ZDHHC5: variants seen among roughly 807,000 people sequenced by gnomAD.
ZDHHC5 encodes the protein palmitoyltransferase ZDHHC5.
ZDHHC5 carries 22 observed loss-of-function variants against 70.0 expected under a neutral mutation model. The observed-to-expected ratio is 0.31, with a 90% CI of 0.22 to 0.45. The LOEUF (loss-of-function observed/expected upper bound fraction) is 0.45. Ranked by LOEUF, ZDHHC5 falls within the 20% of genes least tolerant of loss-of-function variation. The probability of loss-of-function intolerance (pLI) is 1.00; values close to 1 mark genes in which losing one functional copy is unlikely to be tolerated. For synonymous variants in ZDHHC5, 313 were observed against 347.8 expected (o/e 0.90, Z 1.11); for missense variants, 746 against 926.9 (o/e 0.80, Z 2.53).
At chr11:57,675,697 C>CTCTA (rs1346045190) in intron 2 of ZDHHC5, among the ~76,000 whole-genome samples, 1 of 152,204 alleles carries the variant, frequency 6.6e-6, no homozygotes, top group Non-Finnish European at 1.5e-5. Context: ...GTTTATCTTA[C>CTCTA]TCTAGCACCT....
At position 57,696,008 on chromosome 11, in the gene ZDHHC5, G is replaced by A. The variant is rs760923152; in HGVS notation, c.974G>A (p.Gly325Glu). Residue 325 changes from glycine (G) to glutamate (E), a missense_variant, in exon 9 of 12, where the codon GGG (glycine) becomes GAG (glutamate). Physicochemically the swap from Gly to Glu is moderately conservative, Grantham distance 98 (BLOSUM62 -2). Around this residue, in one of 6 missense-constraint regions of ZDHHC5, gnomAD observed 179 missense variants for 178.4 expected, o/e 1.00. Transcript: ENST00000287169. ...AAGCCAGACCTGAGCCGTTACACAG[G>A]GTTGCGAACACACCTCGGCTTGGCT... ...PPKPDLSRYT[G>E]LRTHLGLATN... is the part of the protein sequence containing the mutation. The A allele has an allele frequency of 1.9e-6, 3 of 1,613,844 alleles. No individual in the cohort carries two copies. Among genetic ancestry groups the A allele is most frequent in the Non-Finnish European group, 2.5e-6 (3 of 1,180,012 alleles).
At chr11:57,697,689 C>T (rs2135405245) in intron 10 of ZDHHC5, among the ~76,000 whole-genome samples, 1 of 151,110 alleles carries the variant, frequency 6.6e-6, no homozygotes, top group Non-Finnish European at 1.5e-5. Flanking sequence ...CATCTGTAGT[C>T]CCAGCTACTT....
At chr11:57,677,114 G>T (rs1946082126) in intron 2 of ZDHHC5, among the ~76,000 whole-genome samples, 1 of 150,950 alleles carries the variant, frequency 6.6e-6, no homozygotes, top group South Asian at 2.1e-4. Context: ...GTAGAGAAGG[G>T]GTTTCACCGT....
chr11:57,699,773 C>A, intron 11 of ZDHHC5, 93 bp from the exon 12 acceptor site: 1 of 1,484,310 alleles, frequency 6.7e-7, no homozygotes, highest in South Asian at 1.2e-5. Flanking sequence ...TAGAAAAGAA[C>A]ATCATTTTTT....
chr11:57,686,571 C>T (rs1261524800), intron 3 of ZDHHC5, among the ~76,000 whole-genome samples: 1 of 152,136 alleles, frequency 6.6e-6, no homozygotes, highest in Non-Finnish European at 1.5e-5. Flanking sequence ...CTGCCTCACC[C>T]TCCCAGAGTG....
rs1330004758 is a variant in ZDHHC5 at position 57,700,283 on chromosome 11, C to T, written c.*252C>T. The T allele has an allele frequency of 8.2e-6, 3 of 367,980 alleles. No individual in the cohort carries two copies. Among genetic ancestry groups the T allele is most frequent in the Non-Finnish European group, 1.5e-5 (3 of 206,532 alleles). The allele number at this position is 367,980 out of a possible 1,614,324, so 22.8% of individuals were successfully genotyped here. A position where few individuals can be genotyped will look rare whatever the true frequency, so the allele number is the denominator to read the frequency against. ...CCTTCCTTGATCCCTGGACCAGACTCAGTGGACATTTGTGCAATTGCTCGC... is the reference window on the plus strand; with the variant it reads ...CCTTCCTTGATCCCTGGACCAGACTTAGTGGACATTTGTGCAATTGCTCGC... On this transcript the variant is annotated 3_prime_UTR_variant, in exon 12 of 12. Coordinates refer to ENST00000287169, the MANE Select transcript of ZDHHC5 (RefSeq NM_015457.3).
At position 57,688,678 on chromosome 11, in the gene ZDHHC5, G is replaced by C. The variant is rs1255677410; in HGVS notation, c.384+13G>C. 3 of 1,580,456 alleles carry C rather than the reference G, an allele frequency of 1.9e-6. No homozygotes were observed. The highest frequency in any genetic ancestry group is 2.6e-6 in the Non-Finnish European group (3 of 1,162,166). On this transcript the variant is annotated intron_variant, in intron 4 of 11. Coordinates refer to ENST00000287169, the MANE Select transcript of ZDHHC5 (RefSeq NM_015457.3). ...CAACTGTGTGGAGGTAAGCACCCTG[G>C]GTGGGGTAAGACTTCATGCTTAACC...
rs765267810 is a variant in ZDHHC5, at chr11:57,696,025, G to A, written c.991G>A (p.Gly331Ser). Residue 331 changes from glycine to serine, a missense_variant, in exon 9 of 12, where the codon GGC becomes AGC. Physicochemically the swap from Gly to Ser is moderately conservative, Grantham distance 56 (BLOSUM62 0). Around this residue, in one of 6 missense-constraint regions of ZDHHC5, gnomAD observed 179 missense variants for 178.4 expected, o/e 1.00. Transcript: ENST00000287169. ...TTACACAGGGTTGCGAACACACCTC[G>A]GCTTGGCTACTAATGAGGGTAAGGG... is the stretch of plus-strand genomic sequence containing the variant. ...SRYTGLRTHL[G>S]LATNEDSSLL... The A allele has an allele frequency of 4.8e-5, 77 of 1,613,176 alleles. No homozygotes were observed. The highest frequency in any genetic ancestry group is 6.7e-5 in the Admixed American group (4 of 59,740).
chr11:57,694,006 T>G (rs1946319262), intron 8 of ZDHHC5, 91 bp downstream of exon 8: 4 of 1,416,436 alleles, frequency 2.8e-6, no homozygotes, highest in South Asian at 1.5e-5. Flanking sequence ...TTTGTGTTTT[T>G]TTTTTTTTTT....
At chr11:57,673,626 A>T (rs1946034179) in intron 2 of ZDHHC5, among the ~76,000 whole-genome samples, 2 of 152,146 alleles carry the variant, frequency 1.3e-5, no homozygotes, top group South Asian at 4.1e-4. Context: ...GCTGGAGTGC[A>T]ATGTCGCGGT....
At chr11:57,676,483 G>A (rs775663348) in intron 2 of ZDHHC5, among the ~76,000 whole-genome samples, 5 of 152,190 alleles carry the variant, frequency 3.3e-5, no homozygotes, top group Non-Finnish European at 7.3e-5. Flanking sequence ...CAGAGGGGCA[G>A]TCCTAGGTAA....
At chr11:57,698,292 A>G (rs1418050382) in intron 10 of ZDHHC5, among the ~76,000 whole-genome samples, 1 of 152,200 alleles carries the variant, frequency 6.6e-6, no homozygotes, top group Non-Finnish European at 1.5e-5. Context: ...ATATAGCATA[A>G]TAGATTAGTG....
rs1206223124 is a variant in ZDHHC5 at position 57,672,079 on chromosome 11, T to G, written c.-1012T>G. On this transcript the variant is annotated 5_prime_UTR_variant, in exon 2 of 12. Coordinates refer to ENST00000287169, the MANE Select transcript of ZDHHC5 (RefSeq NM_015457.3). The stretch of plus-strand genomic sequence containing the variant: ...TGGAAAGCTGAAGACTGAAGAAAGA[T>G]AAGAGACATTGACTAGTCTGGAAAC... The G allele has an allele frequency of 2.5e-6, 1 of 393,038 alleles. No individual in the cohort carries two copies. The allele number at this position is 393,038 out of a possible 1,614,324, so 24.3% of individuals were successfully genotyped here.
At chr11:57,699,831 T>A in intron 11 of ZDHHC5, 35 bp from the exon 12 acceptor site, 1 of 1,613,790 alleles carries the variant, frequency 6.2e-7, no homozygotes, top group Non-Finnish European at 8.5e-7. Flanking sequence ...TTCTGTCCCA[T>A]TTCCTGACAC....
chr11:57,687,540 C>T (rs754371657), intron 3 of ZDHHC5, among the ~76,000 whole-genome samples: 9 of 151,816 alleles, frequency 5.9e-5, no homozygotes, highest in African/African-American at 9.7e-5. Context: ...CCTTGCACTC[C>T]AGCTTGGGTA....
chr11:57,677,935 A>G (rs1033244293), intron 2 of ZDHHC5, among the ~76,000 whole-genome samples: 2 of 152,244 alleles, frequency 1.3e-5, no homozygotes, highest in Admixed American at 6.5e-5. Flanking sequence ...TCTGGGTACC[A>G]CAAATCAGGT....
At chr11:57,673,265 T>C (rs2135377244) in intron 2 of ZDHHC5, 71 bp downstream of exon 2, 1 of 1,514,374 alleles carries the variant, frequency 6.6e-7, no homozygotes, top group South Asian at 1.1e-5. Context: ...TAACGCTTTC[T>C]CTTGAGTTTT....
At chr11:57,669,937 G>A (rs1053180198) in intron 1 of ZDHHC5, among the ~76,000 whole-genome samples, 2 of 152,064 alleles carry the variant, frequency 1.3e-5, no homozygotes, top group African/African-American at 4.8e-5. Flanking sequence ...CCCTTCTACT[G>A]TGTAGCCCCC....
intron 3 of ZDHHC5, among the ~76,000 whole-genome samples, chr11:57,686,389 C>A (rs886505924): frequency 6.6e-6 from 1 of 151,582 alleles, no homozygotes; most frequent in African/African-American, 2.4e-5. Flanking sequence ...CATCTCGGCT[C>A]ACTGCAAACT....
Sources: allele counts gnomAD v4.1 joint callset (sites outside exome capture counted in the v4.1 genomes callset), GRCh38; gene constraint gnomAD v4.1.1; regional missense constraint gnomAD v4.1.1; transcripts MANE v1.5; gene names NCBI Gene and HGNC (gene_info 2026-07-23, HGNC 2026-07-21).